Variants in BBOF1 observed in about 807,000 individuals in gnomAD.
BBOF1 encodes the protein basal body-orientation factor 1.
BBOF1 carries 62 observed loss-of-function variants against 68.0 expected under a neutral mutation model. That is an observed-to-expected ratio of 0.91 (90% CI 0.74 to 1.13). BBOF1 has a LOEUF of 1.13. Among genes scored for constraint, BBOF1 ranks in the 50% most tolerant of loss-of-function variants. BBOF1 has a pLI of 0.00. For missense variants in BBOF1, 534 were observed against 600.1 expected (o/e 0.89, Z 1.15); for synonymous variants, 208 against 198.8 (o/e 1.05, Z -0.39).
At chr14:74,070,992 T>C (rs1480898952), downstream of BBOF1, 3 of 619,842 alleles carry the variant, frequency 4.8e-6, no homozygotes, top group African/African-American at 1.8e-5. Context: ...CAATATATAC[T>C]GTAGGGCAAC....
At chr14:74,069,311 C>G (rs182511998), downstream of BBOF1, 894 of 340,736 alleles carry the variant, frequency 2.6e-3, 5 homozygotes, top group African/African-American at 0.014. Context: ...ACAATCTTGG[C>G]CAGGCTGGTC....
chr14:74,072,441 T>C (rs2139793393), intron 9 of BBOF1: 1 of 1,613,400 alleles, frequency 6.2e-7, no homozygotes, highest in East Asian at 2.2e-5. Flanking sequence ...GAAGTGGCAC[T>C]ATGTGCTTTA....
intron 10 of BBOF1, among the ~76,000 whole-genome samples, chr14:74,080,697 C>A (rs1344332004): frequency 6.6e-6 from 1 of 152,164 alleles, no homozygotes; most frequent in African/African-American, 2.4e-5. Flanking sequence ...CCTGCCTGGG[C>A]CACCCAAAGT....
chr14:74,043,467 G>A lies in BBOF1; in HGVS notation c.577-2593G>A, dbSNP rs1026885304. Among the ~76,000 whole-genome samples the A allele has an allele frequency of 2.0e-5, 3 of 146,462 alleles. No individual in the cohort carries two copies. The South Asian group carries it at 6.6e-4, about 32-fold the overall frequency. ...CGGGAGGCTGAGGCAGGAGAATGGC[G>A]TGAACCCGGGAAGCGGAGCTTGCAG... On this transcript the variant is annotated intron_variant, in intron 5 of 11. Transcript: ENST00000394009.
intron 5 of BBOF1, among the ~76,000 whole-genome samples, chr14:74,043,347 G>A (rs982635697): frequency 6.7e-6 from 1 of 149,966 alleles, no homozygotes; most frequent in East Asian, 2.0e-4. Flanking sequence ...TCAGGAGATC[G>A]AGACCATCCT....
chr14:74,048,474 A>C (rs1048634619), intron 7 of BBOF1: 7 of 153,594 alleles, frequency 4.6e-5, no homozygotes, highest in African/African-American at 1.2e-4. Context: ...CACAGCAGGA[A>C]TGGTAGTGCC....
At chr14:74,039,538 C>G (rs570243722) in intron 4 of BBOF1, among the ~76,000 whole-genome samples, 3 of 152,104 alleles carry the variant, frequency 2.0e-5, no homozygotes, top group Admixed American at 6.6e-5. Context: ...AAGCAATTCT[C>G]CTGCCTCAGC....
At chr14:74,055,958 T>C (rs2060190715) in intron 9 of BBOF1, among the ~76,000 whole-genome samples, 2 of 152,120 alleles carry the variant, frequency 1.3e-5, no homozygotes, top group Non-Finnish European at 2.9e-5. Flanking sequence ...GAAGTTACAA[T>C]ATTGCTCAGC....
At chr14:74,077,968 C>G (rs569696745) in intron 9 of BBOF1, among the ~76,000 whole-genome samples, 1 of 152,102 alleles carries the variant, frequency 6.6e-6, no homozygotes, top group African/African-American at 2.4e-5. Flanking sequence ...AATAACGGCA[C>G]GGTGATTTCT....
At chr14:74,036,965 T>TC (rs1030865266) in intron 4 of BBOF1, among the ~76,000 whole-genome samples, 5 of 142,702 alleles carry the variant, frequency 3.5e-5, no homozygotes, top group Non-Finnish European at 5.9e-5. Flanking sequence ...TTTTTTTTTT[T>TC]CTTTTTTCTT....
At chr14:74,050,736 G>A (rs904137923) in intron 8 of BBOF1, among the ~76,000 whole-genome samples, 1 of 152,008 alleles carries the variant, frequency 6.6e-6, no homozygotes, top group Non-Finnish European at 1.5e-5. Flanking sequence ...GAAATATTTT[G>A]TACCGTTTAC....
intron 11 of BBOF1, among the ~76,000 whole-genome samples, chr14:74,062,422 C>T (rs1430147870): frequency 1.3e-5 from 2 of 151,890 alleles, no homozygotes; most frequent in Non-Finnish European, 2.9e-5. Context: ...GCCAACATGG[C>T]GAAACCCCGT....
downstream of BBOF1, chr14:74,067,263 G>T: frequency 1.7e-6 from 2 of 1,201,882 alleles, no homozygotes; most frequent in Non-Finnish European, 2.4e-6. Flanking sequence ...ACAGTATAAA[G>T]AGAGGAAATG....
intron 1 of BBOF1, among the ~76,000 whole-genome samples, chr14:74,021,965 C>A (rs1200453374): frequency 6.6e-6 from 1 of 151,268 alleles, no homozygotes; most frequent in Non-Finnish European, 1.5e-5. Context: ...TGGGAGATCA[C>A]AGTTATACTA....
chr14:74,078,746 C>G lies in BBOF1; in HGVS notation n.1536+394C>G, dbSNP rs1417198935. 2.0e-5 allele frequency among the ~76,000 whole-genome samples: 3 copies of G among 151,794 alleles called. No individual in the cohort carries two copies. In the East Asian group the frequency reaches 5.8e-4, roughly 29 times the overall value. On this transcript the variant is annotated intron_variant and non_coding_transcript_variant, in intron 10 of 12. Coordinates refer to the BBOF1 transcript ENST00000492026. The stretch of plus-strand genomic sequence containing the variant: ...GTTTCAACATGTTGGCCAGGCTGGT[C>G]TCAAACTCCTGACCTCAAGTGATCT...
intron 5 of BBOF1, among the ~76,000 whole-genome samples, chr14:74,044,386 G>A (rs766455053): frequency 2.6e-5 from 4 of 151,708 alleles, no homozygotes; most frequent in Non-Finnish European, 5.9e-5. Flanking sequence ...ACTTGTTAGG[G>A]GACTGTATAG....
chr14:74,071,883 GC>G (rs779723532), intron 9 of BBOF1: 3 of 1,613,580 alleles, frequency 1.9e-6, no homozygotes, highest in African/African-American at 1.3e-5. Context: ...CCCATAAGGG[GC>G]TCCCAGCTTA....
intron 1 of BBOF1, among the ~76,000 whole-genome samples, chr14:74,022,639 T>C (rs1187906708): frequency 6.6e-6 from 1 of 152,210 alleles, no homozygotes; most frequent in African/African-American, 2.4e-5. Context: ...CGAGTTATGC[T>C]CCAGGACTCC....
At chr14:74,040,838 T>C (rs2059812071) in intron 5 of BBOF1, 193 bp downstream of exon 5, 2 of 536,850 alleles carry the variant, frequency 3.7e-6, no homozygotes, top group Non-Finnish European at 6.5e-6. Flanking sequence ...TTGTTTTCTC[T>C]CTCATTCAGA....
Sources: gnomAD v4.1 joint callset for allele counts (sites outside exome capture counted in the v4.1 genomes callset) on GRCh38, gnomAD v4.1.1 for gene constraint, MANE v1.5 for transcripts, NCBI Gene and HGNC (gene_info 2026-07-23, HGNC 2026-07-21) for gene names.